SDK1: variants seen among roughly 807,000 people sequenced by gnomAD.
SDK1 encodes sidekick cell adhesion molecule 1.
In SDK1, 157 loss-of-function variants were observed where a neutral mutation model predicts 245.5. The observed-to-expected ratio is 0.64, with a 90% CI of 0.56 to 0.73. SDK1 has a LOEUF of 0.73. Ranked by LOEUF, SDK1 falls within the 30% of genes least tolerant of loss-of-function variation. SDK1 has a pLI of 0.00. For synonymous variants in SDK1, 1,647 were observed against 1,278.5 expected (o/e 1.29, Z -6.15); for missense variants, 3,583 against 3,002.3 (o/e 1.19, Z -4.52).
Position 4,268,419 on chromosome 7 carries a change from C to G in SDK1, c.*3035C>G. On this transcript the variant is annotated 3_prime_UTR_variant, in exon 45 of 45. Transcript: ENST00000404826. ...GTCCAGCCCAAGCCCCTCTCCCCAG[C>G]CTCGCCTTCAGCCTCTCTCCCAGCC... The G allele has an allele frequency of 1.2e-5, 13 of 1,120,580 alleles. No homozygotes were observed. The highest frequency in any genetic ancestry group is 4.0e-5 in the South Asian group (2 of 50,208). 69.4% of individuals were successfully genotyped at this position (1,120,580 alleles called of 1,614,324 possible).
chr7:4,118,978 G>T (rs1272597747), intron 25 of SDK1, among the ~76,000 whole-genome samples: 2 of 148,404 alleles, frequency 1.3e-5, no homozygotes, highest in Non-Finnish European at 3.0e-5. Flanking sequence ...CTTCTTTTGG[G>T]GATGATGAGA....
At position 4,268,883 on chromosome 7, in the gene SDK1, T is replaced by A. The variant is rs934338614; in HGVS notation, c.*3499T>A. 12 of 480,752 alleles carry A rather than the reference T, an allele frequency of 2.5e-5. No homozygotes were observed. The highest frequency in any genetic ancestry group is 4.5e-5 in the Non-Finnish European group (12 of 268,448). 29.8% of individuals were successfully genotyped at this position (480,752 alleles called of 1,614,324 possible). On this transcript the variant is annotated 3_prime_UTR_variant, in exon 45 of 45. Transcript: ENST00000404826. ...GGTCCCTAAACGTTCCCTACAACTT[T>A]TTCTGAAATTGTGCAGAAAAACAGA...
chr7:3,653,127 C>A (rs1349081493), intron 4 of SDK1, among the ~76,000 whole-genome samples: 2 of 152,172 alleles, frequency 1.3e-5, no homozygotes, highest in African/African-American at 4.8e-5. Flanking sequence ...GAGCTTGAAT[C>A]CTTAGGGAAT....
At chr7:3,973,984 C>A (rs182421101) in intron 12 of SDK1, among the ~76,000 whole-genome samples, 1 of 151,938 alleles carries the variant, frequency 6.6e-6, no homozygotes, top group African/African-American at 2.4e-5. Context: ...GAGTTTGAGA[C>A]TAGCCTGGGC....
In SDK1 at chr7:3,979,783, G is replaced by C. The variant is rs377009800; in HGVS notation, c.1994+5238G>C. On this transcript the variant is annotated intron_variant, in intron 13 of 44. Coordinates refer to ENST00000404826, the MANE Select transcript of SDK1 (RefSeq NM_152744.4). ...CCAGGATGACTTCATATTCCCCAAA[G>C]CATCTTCCTGTATTGAGCACACCAG... Among the ~76,000 whole-genome samples, 292 of 152,294 alleles carry C rather than the reference G, an allele frequency of 1.9e-3. 1 individual carries two copies. The highest frequency in any genetic ancestry group is 0.014 in the Middle Eastern group (4 of 294).
chr7:4,233,182 G>A, intron 40 of SDK1, 73 bp from the exon 41 acceptor site: 1 of 1,456,620 alleles, frequency 6.9e-7, no homozygotes, highest in Non-Finnish European at 9.4e-7. Context: ...GACCCACCAG[G>A]CAGGTGCATG....
intron 1 of SDK1, among the ~76,000 whole-genome samples, chr7:3,494,058 A>T (rs909404193): frequency 6.6e-6 from 1 of 151,956 alleles, no homozygotes; most frequent in African/African-American, 2.4e-5. Flanking sequence ...TTTTTTTTTT[A>T]AGGTAAACTC....
At chr7:3,332,471 C>T (rs2128551341) in intron 1 of SDK1, among the ~76,000 whole-genome samples, 1 of 152,242 alleles carries the variant, frequency 6.6e-6, no homozygotes, top group Admixed American at 6.5e-5. Flanking sequence ...CCCTTTTTCA[C>T]ATTTCTCATA....
intron 5 of SDK1, among the ~76,000 whole-genome samples, chr7:3,910,373 G>A (rs753417524): frequency 3.9e-5 from 6 of 152,310 alleles, no homozygotes; most frequent in Non-Finnish European, 5.9e-5. Flanking sequence ...TCTCTGTGTT[G>A]GAGAATTTGC....
rs1287243032 is a variant in SDK1 at position 4,242,961 on chromosome 7, C to T, written c.6251+1048C>T. Among the ~76,000 whole-genome samples the T allele has an allele frequency of 2.0e-5, 3 of 152,210 alleles. 1 individual carries two copies. The highest frequency in any genetic ancestry group is 4.4e-5 in the Non-Finnish European group (3 of 68,042). On this transcript the variant is annotated intron_variant, in intron 43 of 44. Transcript: ENST00000404826. ...TGCCAGTCCAAAGCACCGCAGGCCG[C>T]CACCCCACGAGGCCTTCCCAAGGGC...
chr7:4,067,538 A>T (rs952373306), intron 19 of SDK1, among the ~76,000 whole-genome samples: 1 of 152,156 alleles, frequency 6.6e-6, no homozygotes, highest in African/African-American at 2.4e-5. Context: ...AGCCAGCCTG[A>T]TTGTTCTAAT....
At chr7:4,055,303 A>T (rs1020617039) in intron 19 of SDK1, among the ~76,000 whole-genome samples, 1 of 152,168 alleles carries the variant, frequency 6.6e-6, no homozygotes, top group Non-Finnish European at 1.5e-5. Flanking sequence ...TGTCTGTTTC[A>T]TCTTGGCTGA....
chr7:3,505,365 C>T (rs1782360862), intron 1 of SDK1, among the ~76,000 whole-genome samples: 1 of 152,120 alleles, frequency 6.6e-6, no homozygotes, highest in Non-Finnish European at 1.5e-5. Flanking sequence ...AATCCTCCTG[C>T]CTCTGCCTCC....
chr7:3,794,031 C>T (rs894849045), intron 4 of SDK1, among the ~76,000 whole-genome samples: 2 of 152,162 alleles, frequency 1.3e-5, no homozygotes, highest in African/African-American at 4.8e-5. Flanking sequence ...TTACCACATG[C>T]CAAATATGTT....
At chr7:3,698,061 A>G (rs1347469864) in intron 4 of SDK1, among the ~76,000 whole-genome samples, 1 of 152,158 alleles carries the variant, frequency 6.6e-6, no homozygotes, top group Admixed American at 6.5e-5. Flanking sequence ...TTGAGAAGCT[A>G]ACAGTCCAGT....
intron 1 of SDK1, among the ~76,000 whole-genome samples, chr7:3,314,899 T>G (rs932295321): frequency 7.0e-6 from 1 of 143,612 alleles, no homozygotes; most frequent in African/African-American, 2.9e-5. Context: ...AACAAAAACT[T>G]TTTTTTTTTT....
At chr7:4,177,483 C>T (rs534943512) in intron 34 of SDK1, among the ~76,000 whole-genome samples, 31 of 152,326 alleles carry the variant, frequency 2.0e-4, no homozygotes, top group African/African-American at 6.7e-4. Context: ...TCCCAGGACA[C>T]GGCCGCTAAG....
chr7:3,728,961 T>C (rs551230568), intron 4 of SDK1, among the ~76,000 whole-genome samples: 55 of 152,286 alleles, frequency 3.6e-4, no homozygotes, highest in Middle Eastern at 6.8e-3. Flanking sequence ...GAAAAACTTG[T>C]ATTTAAAAAT....
chr7:3,978,755 G>A (rs1434681182), intron 13 of SDK1, among the ~76,000 whole-genome samples: 1 of 152,000 alleles, frequency 6.6e-6, no homozygotes. Flanking sequence ...CAAAAAAAAA[G>A]CAAGAGAAAA....
Sources: allele counts gnomAD v4.1 joint callset (sites outside exome capture counted in the v4.1 genomes callset), GRCh38; gene constraint gnomAD v4.1.1; transcripts MANE v1.5; gene names NCBI Gene and HGNC (gene_info 2026-07-23, HGNC 2026-07-21).